Variants in NAALADL2 observed in about 807,000 individuals in gnomAD.
The protein encoded by NAALADL2 is N-acetylated alpha-linked acidic dipeptidase like 2.
A neutral mutation model predicts 87.2 loss-of-function variants in NAALADL2; 76 were observed. That is an observed-to-expected ratio of 0.87 (90% confidence interval 0.72 to 1.05). NAALADL2 has a LOEUF of 1.05. Among genes scored for constraint, NAALADL2 ranks in the 50% least tolerant of loss-of-function variants. The pLI is 0.00. For synonymous variants in NAALADL2, 354 were observed against 331.0 expected (o/e 1.07, Z -0.75); for missense variants, 1,089 against 945.8 (o/e 1.15, Z -1.99).
At chr3:175,053,117 C>T (rs139539605) in intron 1 of NAALADL2, among the ~76,000 whole-genome samples, 6 of 152,178 alleles carry the variant, frequency 3.9e-5, no homozygotes, top group East Asian at 3.9e-4. Context: ...TTTTTGAGGG[C>T]GGTATGCCTC....
chr3:174,916,882 TAAAA>T (rs1352205946), intron 1 of NAALADL2, among the ~76,000 whole-genome samples: 2 of 152,014 alleles, frequency 1.3e-5, no homozygotes, highest in East Asian at 1.9e-4. Flanking sequence ...TTAAATTACT[TAAAA>T]AAGAGATTTA....
intron 4 of NAALADL2, among the ~76,000 whole-genome samples, chr3:175,307,073 T>C (rs1377143565): frequency 2.0e-5 from 3 of 152,192 alleles, no homozygotes; most frequent in Non-Finnish European, 2.9e-5. Context: ...CTGTTAAGGT[T>C]ATTTTTCCAT....
intron 11 of NAALADL2, among the ~76,000 whole-genome samples, chr3:175,680,766 C>T (rs1330053968): frequency 6.6e-6 from 1 of 152,164 alleles, no homozygotes; most frequent in Admixed American, 6.5e-5. Context: ...AAATTTCTTC[C>T]ATATGCAAGA....
At chr3:175,173,850 C>T (rs1428885285) in intron 2 of NAALADL2, among the ~76,000 whole-genome samples, 1 of 152,140 alleles carries the variant, frequency 6.6e-6, no homozygotes, top group Non-Finnish European at 1.5e-5. Flanking sequence ...CTGCAATTTT[C>T]GTCTATAGAG....
chr3:174,864,546 C>T (rs528809800), intron 1 of NAALADL2, among the ~76,000 whole-genome samples: 24 of 151,980 alleles, frequency 1.6e-4, no homozygotes, highest in Non-Finnish European at 2.6e-4. Context: ...GTAAAATCTT[C>T]TTGAAGAAAA....
At chr3:174,485,839 G>A (rs999457928) in intron 1 of NAALADL2, among the ~76,000 whole-genome samples, 1 of 151,884 alleles carries the variant, frequency 6.6e-6, no homozygotes. Context: ...TATTGCCTAG[G>A]TCGTCTTCCA....
intron 13 of NAALADL2, among the ~76,000 whole-genome samples, chr3:175,764,014 T>G (rs941924065): frequency 6.6e-6 from 1 of 152,136 alleles, no homozygotes; most frequent in Non-Finnish European, 1.5e-5. Flanking sequence ...TGTCTAATTC[T>G]GGCTGCTAGA....
At chr3:175,150,248 A>G (rs1731350966) in intron 2 of NAALADL2, among the ~76,000 whole-genome samples, 2 of 152,170 alleles carry the variant, frequency 1.3e-5, no homozygotes, top group South Asian at 4.1e-4. Flanking sequence ...GTAGGTGCCA[A>G]AAAATTCATG....
intron 3 of NAALADL2, among the ~76,000 whole-genome samples, chr3:174,773,659 G>A (rs986657011): frequency 2.6e-5 from 4 of 152,134 alleles, no homozygotes; most frequent in Middle Eastern, 3.2e-3. Context: ...CAGGAGTTAT[G>A]AGGGGAGAAA....
chr3:175,643,998 T>G (rs1190085780), intron 11 of NAALADL2, among the ~76,000 whole-genome samples: 1 of 152,178 alleles, frequency 6.6e-6, no homozygotes, highest in Admixed American at 6.5e-5. Flanking sequence ...GTCTGATATG[T>G]GTAAGAGGTG....
intron 4 of NAALADL2, among the ~76,000 whole-genome samples, chr3:175,272,736 C>T (rs927771629): frequency 1.3e-5 from 2 of 152,054 alleles, no homozygotes; most frequent in African/African-American, 2.4e-5. Context: ...ATATACTTCC[C>T]ATTTCTCATA....
intron 11 of NAALADL2, among the ~76,000 whole-genome samples, chr3:175,727,974 A>G (rs774002527): frequency 8.5e-5 from 13 of 152,112 alleles, no homozygotes; most frequent in Non-Finnish European, 1.6e-4. Context: ...TTTCCTTGCT[A>G]GTTTCTGTGA....
At chr3:175,408,338 A>T (rs774172748) in intron 5 of NAALADL2, among the ~76,000 whole-genome samples, 6 of 152,122 alleles carry the variant, frequency 3.9e-5, no homozygotes, top group Non-Finnish European at 4.4e-5. Flanking sequence ...GCTTGATTTA[A>T]TTCTTCTACA....
chr3:174,608,867 G>T (rs1431697605), intron 2 of NAALADL2, among the ~76,000 whole-genome samples: 1 of 151,894 alleles, frequency 6.6e-6, no homozygotes. Flanking sequence ...CCAAAAACCA[G>T]AATTCTAGAC....
chr3:175,388,618 C>T (rs1768705601), intron 5 of NAALADL2, among the ~76,000 whole-genome samples: 1 of 152,094 alleles, frequency 6.6e-6, no homozygotes, highest in Non-Finnish European at 1.5e-5. Context: ...GAGGGAAATT[C>T]AGGCTGATTT....
intron 1 of NAALADL2, among the ~76,000 whole-genome samples, chr3:175,028,589 G>T (rs1752464510): frequency 1.3e-5 from 2 of 151,882 alleles, no homozygotes. Context: ...TTTTACCTCA[G>T]AAGTTCAGTG....
intron 5 of NAALADL2, among the ~76,000 whole-genome samples, chr3:175,333,827 G>T (rs1011388256): frequency 2.0e-5 from 3 of 152,076 alleles, no homozygotes; most frequent in Admixed American, 6.5e-5. Flanking sequence ...TGGAAAAGAG[G>T]ACTTGAAATG....
chr3:174,865,295 A>C (rs114346439), intron 1 of NAALADL2, among the ~76,000 whole-genome samples: 1 of 152,056 alleles, frequency 6.6e-6, no homozygotes, highest in African/African-American at 2.4e-5. Context: ...TGAACATGCA[A>C]AAGGTGTGCA....
At chr3:174,692,314 G>T (rs968803195) in intron 2 of NAALADL2, among the ~76,000 whole-genome samples, 3 of 152,104 alleles carry the variant, frequency 2.0e-5, no homozygotes, top group African/African-American at 7.2e-5. Flanking sequence ...TTAACTATTT[G>T]GGTTTCCATG....
Sources: allele counts gnomAD v4.1 joint callset (sites outside exome capture counted in the v4.1 genomes callset), GRCh38; gene constraint gnomAD v4.1.1; transcripts MANE v1.5; gene names NCBI Gene and HGNC (gene_info 2026-07-23, HGNC 2026-07-21).